The following RTKN variants were observed in gnomAD, a reference collection of about 807,000 sequenced individuals.
RTKN encodes the protein rhotekin.
RTKN carries 49 observed loss-of-function variants against 63.5 expected under a neutral mutation model. The ratio of observed to expected loss-of-function variants is 0.77; its 90% CI spans 0.61 to 0.98. The LOEUF is 0.98. Ranked by LOEUF, RTKN falls within the 50% of genes least tolerant of loss-of-function variation. The probability of loss-of-function intolerance (pLI) is 0.00; values close to 1 mark genes in which losing one functional copy is unlikely to be tolerated. For missense variants in RTKN, 685 were observed against 740.8 expected (o/e 0.92, Z 0.87); for synonymous variants, 295 against 290.4 (o/e 1.02, Z -0.16).
intron 1 of RTKN, among the ~76,000 whole-genome samples, chr2:74,438,757 C>T (rs1671191680): frequency 6.6e-6 from 1 of 152,226 alleles, no homozygotes; most frequent in Non-Finnish European, 1.5e-5. Context: ...CTGGGCTTAG[C>T]TCAAAGATCT....
chr2:74,432,630 G>A lies in RTKN; in HGVS notation c.148C>T (p.Arg50Trp), dbSNP rs751247798. The A allele has an allele frequency of 8.1e-6, 13 of 1,614,164 alleles. No homozygotes were observed. The highest frequency in any genetic ancestry group is 2.2e-5 in the East Asian group (1 of 44,884). ...ELQRKLDHEIRMREGACKLLA... is the reference protein window; with the variant it reads ...ELQRKLDHEIWMREGACKLLA... ...AGCTTACAGGCCCCTTCCCTCATCC[G>A]GATCTCATGGTCTAGCTTCCTCTGC... Residue 50 changes from arginine to tryptophan, a missense_variant, in exon 2 of 12, where the codon CGG becomes TGG. Transcript: ENST00000272430.
chr2:74,430,771 C>T (rs1302958977), intron 2 of RTKN, 94 bp from the exon 3 acceptor site: 2 of 1,255,870 alleles, frequency 1.6e-6, no homozygotes, highest in African/African-American at 3.0e-5. Context: ...GATCCCAGCG[C>T]CTCAGCCACC....
intron 6 of RTKN, 147 bp from the exon 7 acceptor site, chr2:74,429,089 C>T (rs749996809): frequency 9.1e-6 from 6 of 659,984 alleles, no homozygotes; most frequent in African/African-American, 3.6e-5. Context: ...GAACATTTAC[C>T]GAGCTCCAGC....
Position 74,428,326 on chromosome 2 carries a change from C to T in RTKN, c.1028G>A (p.Arg343Gln), listed in dbSNP as rs759360413. Reference protein sequence around the residue: ...VLKGTNLFCYRQPEDADTGEE... With the variant: ...VLKGTNLFCYQQPEDADTGEE... ...CCCAGTGTCTGCATCCTCAGGTTGC[C>T]GGTAACAGAAGAGGTTTGTGCCTTT... is the stretch of plus-strand genomic sequence containing the variant. The change falls in exon 9 of 12, where the codon CGG (arginine) becomes CAG (glutamine). Residue 343 changes from arginine to glutamine, a missense_variant. Coordinates refer to ENST00000272430, the MANE Select transcript of RTKN (RefSeq NM_001015055.2). 8 of 1,613,990 alleles carry T rather than the reference C, an allele frequency of 5.0e-6. No individual in the cohort carries two copies. In the Admixed American group the frequency reaches 6.7e-5, roughly 13 times the overall value.
rs1670586739 is a variant in RTKN, at chr2:74,429,000, T to C, written c.756-58A>G. 27 of 1,388,426 alleles carry C rather than the reference T, an allele frequency of 1.9e-5. No individual in the cohort carries two copies. The South Asian group carries it at 3.2e-4, about 16-fold the overall frequency. 86.0% of individuals were successfully genotyped at this position (1,388,426 alleles called of 1,614,324 possible). On this transcript the variant is annotated intron_variant, in intron 6 of 11. Transcript: ENST00000272430. ...GAGGGGCATGTTGGCCAGCAGGAAC[T>C]CTAAGGGCTGAGCAGATCTGCCCCA...
intron 2 of RTKN, chr2:74,430,888 C>T (rs1275540775): frequency 1.4e-5 from 8 of 583,410 alleles, no homozygotes; most frequent in Admixed American, 6.0e-5. Flanking sequence ...ACTCAAGCCA[C>T]ATTAACTCAC....
Position 74,425,932 on chromosome 2 carries a change from G to A in RTKN, c.*311C>T, listed in dbSNP as rs1478083570. 9.6e-6 allele frequency: 7 copies of A among 727,016 alleles called. No homozygotes were observed. Among genetic ancestry groups the A allele is most frequent in the South Asian group, 1.9e-5 (1 of 53,502 alleles). The allele number at this position is 727,016 out of a possible 1,614,324, so 45.0% of individuals were successfully genotyped here. ...GATGTGGGAGTCACAAGGGAGGTAT[G>A]TTTGCTCCAAGGGTTCTTCAGTGCC... On this transcript the variant is annotated 3_prime_UTR_variant, in exon 12 of 12. Coordinates refer to ENST00000272430, the MANE Select transcript of RTKN (RefSeq NM_001015055.2).
rs750955080 is a variant in RTKN, at chr2:74,430,129, C to T, written c.546-92G>A. On this transcript the variant is annotated intron_variant, in intron 5 of 11. Coordinates refer to ENST00000272430, the MANE Select transcript of RTKN (RefSeq NM_001015055.2). ...GTGAGGCAAGTGCAGGACAGCTCCA[C>T]AGAGAAGGCCAGGTGCCCCTCCTCT... 382 of 1,515,746 alleles carry T rather than the reference C, an allele frequency of 2.5e-4. 2 individuals are homozygous for T. Among genetic ancestry groups the T allele is most frequent in the Non-Finnish European group, 1.1e-4 (122 of 1,098,908 alleles). 93.9% of individuals were successfully genotyped at this position (1,515,746 alleles called of 1,614,324 possible). A position where few individuals can be genotyped will look rare whatever the true frequency, so the allele number is the denominator to read the frequency against.
chr2:74,433,188 A>G (rs989261849), intron 1 of RTKN, among the ~76,000 whole-genome samples: 1 of 151,144 alleles, frequency 6.6e-6, no homozygotes, highest in Non-Finnish European at 1.5e-5. Context: ...GCTTGCAGTG[A>G]GCCGAGACTG....
intron 1 of RTKN, among the ~76,000 whole-genome samples, chr2:74,434,196 A>T (rs971824465): frequency 2.6e-5 from 4 of 151,390 alleles, no homozygotes; most frequent in Non-Finnish European, 5.9e-5. Flanking sequence ...TCCACCTTCC[A>T]GGTTCAAGTG....
intron 1 of RTKN, chr2:74,440,176 G>T (rs188449208): frequency 2.3e-5 from 9 of 398,042 alleles, no homozygotes; most frequent in Non-Finnish European, 2.8e-5. Flanking sequence ...TCCCGAGAGG[G>T]GTTCCAGCTT....
At chr2:74,434,152 GAGT>G (rs1573256057) in intron 1 of RTKN, among the ~76,000 whole-genome samples, 1 of 152,126 alleles carries the variant, frequency 6.6e-6, no homozygotes, top group East Asian at 1.9e-4. Context: ...ACCCAAGCTG[GAGT>G]ACAGTGGCGC....
At chr2:74,430,403 C>T in intron 4 of RTKN, 34 bp from the exon 5 acceptor site, 3 of 1,613,448 alleles carry the variant, frequency 1.9e-6, no homozygotes, top group Non-Finnish European at 2.5e-6. Context: ...AAACACGTCC[C>T]ACGAGAGCCT....
At chr2:74,428,222 C>T (rs778187219) in intron 9 of RTKN, 46 bp downstream of exon 9, 3 of 1,613,802 alleles carry the variant, frequency 1.9e-6, no homozygotes, top group Non-Finnish European at 2.5e-6. Flanking sequence ...AGGAGAGGCT[C>T]CTGGGCCTGT....
At chr2:74,437,580 C>G (rs1472694283) in intron 1 of RTKN, among the ~76,000 whole-genome samples, 1 of 152,184 alleles carries the variant, frequency 6.6e-6, no homozygotes, top group Non-Finnish European at 1.5e-5. Flanking sequence ...CCAGCTCTGT[C>G]CAATAAAACC....
In RTKN at chr2:74,426,311, G is replaced by A. The variant is rs1232960372; in HGVS notation, c.1624C>T (p.Arg542Ter). ...ARSVAPLPPQ[R>*]SPRTRGLCSK... ...CAGAGGCCTCTGGTCCGTGGGGATC[G>A]CTGAGGTGGGAGGGGGGCAACCGAG... is the stretch of plus-strand genomic sequence containing the variant. The change falls in exon 12 of 12, where the codon CGA (arginine) becomes TGA (stop). Residue 542 changes from arginine (R) to a stop codon, truncating the protein, a stop_gained. Coordinates refer to ENST00000272430, the MANE Select transcript of RTKN (RefSeq NM_001015055.2). LOFTEE classifies it high-confidence loss of function. 19 of 1,613,816 alleles carry A rather than the reference G, an allele frequency of 1.2e-5. No individual in the cohort carries two copies. Among genetic ancestry groups the A allele is most frequent in the African/African-American group, 2.7e-5 (2 of 74,934 alleles).
Position 74,426,066 on chromosome 2 carries a change from C to T in RTKN, c.*177G>A. ...AGCCCCAGGAATGAGTCCCTCGGTACCATGGCAACCACAATTTAAGAGGGG... is the reference window on the plus strand; with the variant it reads ...AGCCCCAGGAATGAGTCCCTCGGTATCATGGCAACCACAATTTAAGAGGGG... On this transcript the variant is annotated 3_prime_UTR_variant, in exon 12 of 12. Transcript: ENST00000272430. 2 of 700,560 alleles carry T rather than the reference C, an allele frequency of 2.9e-6. No homozygotes were observed. Among genetic ancestry groups the T allele is most frequent in the South Asian group, 1.8e-5 (1 of 56,848 alleles). The allele number at this position is 700,560 out of a possible 1,614,324, so 43.4% of individuals were successfully genotyped here.
In RTKN at chr2:74,427,681, G is replaced by A. The variant is rs1670487275; in HGVS notation, c.1087-89C>T. 7 of 1,379,040 alleles carry A rather than the reference G, an allele frequency of 5.1e-6. No individual in the cohort carries two copies. In the South Asian group the frequency reaches 5.4e-5, roughly 11 times the overall value. The allele number at this position is 1,379,040 out of a possible 1,614,324, so 85.4% of individuals were successfully genotyped here. A position where few individuals can be genotyped will look rare whatever the true frequency, so the allele number is the denominator to read the frequency against. On this transcript the variant is annotated intron_variant, in intron 9 of 11. Transcript: ENST00000272430. ...GATCACGCCTGCCTTAGAAGAATGA[G>A]CTTGTGGGGCTTTTGCTGAGCCCTC... is the stretch of plus-strand genomic sequence containing the variant.
At chr2:74,440,356 G>C in intron 1 of RTKN, 1 of 986,220 alleles carries the variant, frequency 1.0e-6, no homozygotes, top group Non-Finnish European at 1.2e-6. Context: ...CAATTACCTC[G>C]CTTTTCCAGA....
Sources: allele counts gnomAD v4.1 joint callset (sites outside exome capture counted in the v4.1 genomes callset), GRCh38; gene constraint gnomAD v4.1.1; transcripts MANE v1.5; gene names NCBI Gene and HGNC (gene_info 2026-07-23, HGNC 2026-07-21).